CIP2A: variants seen among roughly 807,000 people sequenced by gnomAD.
CIP2A encodes the protein protein CIP2A.
In CIP2A, 103 loss-of-function variants were observed where a neutral mutation model predicts 110.9. The observed-to-expected ratio is 0.93, with a 90% CI of 0.79 to 1.09. The LOEUF is 1.09. Among genes scored for constraint, CIP2A ranks in the 50% least tolerant of loss-of-function variants. CIP2A has a pLI of 0.00. For synonymous variants in CIP2A, 381 were observed against 361.6 expected (o/e 1.05, Z -0.61); for missense variants, 1,088 against 1,038.4 (o/e 1.05, Z -0.66).
intron 18 of CIP2A, 91 bp from the exon 19 acceptor site, chr3:108,553,821 G>A: frequency 1.0e-6 from 1 of 956,008 alleles, no homozygotes; most frequent in Non-Finnish European, 1.5e-6. Flanking sequence ...GGGAGGCCAA[G>A]GCGGGCAGAT....
rs1254584341 is a variant in CIP2A at position 108,567,435 on chromosome 3, T to C, written c.1273+720A>G. On this transcript the variant is annotated intron_variant, in intron 10 of 20. Coordinates refer to ENST00000295746, the MANE Select transcript of CIP2A (RefSeq NM_020890.3). ...ATACAAGGAAACCTGACTAGATACA[T>C]TTAAGAGATCTGGTTGAGATACAGT... is the stretch of plus-strand genomic sequence containing the variant. Among the ~76,000 whole-genome samples, 4 of 151,930 alleles carry C rather than the reference T, an allele frequency of 2.6e-5. No homozygotes were observed. The East Asian group carries it at 7.7e-4, about 29-fold the overall frequency.
intron 5 of CIP2A, 90 bp from the exon 6 acceptor site, chr3:108,579,778 T>C (rs1455522895): frequency 4.9e-6 from 3 of 608,978 alleles, no homozygotes; most frequent in Non-Finnish European, 7.8e-6. Context: ...GGGCAAACTT[T>C]TATTAAACAT....
chr3:108,587,147 T>C (rs1166579479), intron 1 of CIP2A, among the ~76,000 whole-genome samples: 1 of 152,102 alleles, frequency 6.6e-6, no homozygotes, highest in Admixed American at 6.5e-5. Flanking sequence ...AAACGGAACA[T>C]ATAGGCATAT....
rs548851294 is a variant in CIP2A, at chr3:108,557,911, A to G, written c.2014-497T>C. The stretch of plus-strand genomic sequence containing the variant: ...TTTATTATGTGATATGAAACACTAA[A>G]AAAGCAGAAAAGTCGCTAGAATAAA... On this transcript the variant is annotated intron_variant, in intron 16 of 20. Transcript: ENST00000295746. Among the ~76,000 whole-genome samples, 7 of 152,252 alleles carry G rather than the reference A, an allele frequency of 4.6e-5. No individual in the cohort carries two copies. In the East Asian group the frequency reaches 1.4e-3, roughly 29 times the overall value.
chr3:108,572,431 C>A (rs73850557), intron 8 of CIP2A, among the ~76,000 whole-genome samples: 1 of 151,938 alleles, frequency 6.6e-6, no homozygotes, highest in Admixed American at 6.6e-5. Flanking sequence ...ATTGACCCAG[C>A]GTCATTTATT....
chr3:108,575,663 CGTGTAT>C (rs1576313219), intron 8 of CIP2A, among the ~76,000 whole-genome samples: 2 of 86,128 alleles, frequency 2.3e-5, no homozygotes, highest in East Asian at 7.4e-4. Context: ...TGTATATATA[CGTGTAT>C]ATATACTCAT....
At chr3:108,563,817 T>C (rs1461244646) in intron 12 of CIP2A, among the ~76,000 whole-genome samples, 1 of 152,036 alleles carries the variant, frequency 6.6e-6, no homozygotes, top group African/African-American at 2.4e-5. Flanking sequence ...GATTTTAGAA[T>C]ATTTACATGT....
chr3:108,561,937 C>T (rs1362139631), intron 13 of CIP2A, among the ~76,000 whole-genome samples: 2 of 152,044 alleles, frequency 1.3e-5, no homozygotes, highest in Non-Finnish European at 2.9e-5. Flanking sequence ...TGCAGATTCC[C>T]CTTTGAAGCT....
At position 108,579,653 on chromosome 3, in the gene CIP2A, G is replaced by A. The variant is rs2107362766; in HGVS notation, c.585C>T (p.Thr195=). Residue 195 remains threonine, a synonymous_variant, in exon 6 of 21, where the codon ACC becomes ACT. Coordinates refer to ENST00000295746, the MANE Select transcript of CIP2A (RefSeq NM_020890.3). The part of the protein sequence containing the change: ...NVKSFYRTLI[T]LLAHSSLTVV... ...CAGTTAAACTACTATGGGCCAACAAGGTGATAAGAGTTCGATAAAAAGATT... is the reference window on the plus strand; with the variant it reads ...CAGTTAAACTACTATGGGCCAACAAAGTGATAAGAGTTCGATAAAAAGATT... 2.5e-6 allele frequency: 4 copies of A among 1,589,330 alleles called. No individual in the cohort carries two copies. Among genetic ancestry groups the A allele is most frequent in the Non-Finnish European group, 3.4e-6 (4 of 1,170,010 alleles).
At chr3:108,586,952 G>T (rs935356281) in intron 1 of CIP2A, among the ~76,000 whole-genome samples, 6 of 152,078 alleles carry the variant, frequency 3.9e-5, no homozygotes, top group Non-Finnish European at 8.8e-5. Context: ...CTCAGATCTC[G>T]CTCTCATGAA....
chr3:108,551,091 C>CCCA lies in CIP2A; in HGVS notation c.*57_*58insTGG. On this transcript the variant is annotated 3_prime_UTR_variant, in exon 21 of 21. Coordinates refer to ENST00000295746, the MANE Select transcript of CIP2A (RefSeq NM_020890.3). ...TTAACTCCCCTACCCACCCCCCCTC[C>CCCA]AATAGATAAATACATCAAAAATATC... 1 of 746,194 alleles carries CCCA rather than the reference C, an allele frequency of 1.3e-6. No homozygotes were observed. Among genetic ancestry groups the CCCA allele is most frequent in the Non-Finnish European group, 2.0e-6 (1 of 493,454 alleles). 46.2% of individuals were successfully genotyped at this position (746,194 alleles called of 1,614,324 possible).
intron 8 of CIP2A, among the ~76,000 whole-genome samples, chr3:108,572,682 T>A (rs1463440801): frequency 6.6e-6 from 1 of 152,130 alleles, no homozygotes; most frequent in Non-Finnish European, 1.5e-5. Context: ...TGATCTTGTA[T>A]CCAGCCAACT....
In CIP2A at chr3:108,568,163, A is replaced by T; in HGVS notation, c.1265T>A (p.Val422Asp). The T allele has an allele frequency of 1.2e-6, 2 of 1,611,556 alleles. No individual in the cohort carries two copies. The highest frequency in any genetic ancestry group is 1.7e-6 in the Non-Finnish European group (2 of 1,178,338). Residue 422 changes from valine to aspartate, a missense_variant, in exon 10 of 21, where the codon GTT (valine) becomes GAT (aspartate). By Grantham distance (152) the Val-to-Asp change is radical. Coordinates refer to ENST00000295746, the MANE Select transcript of CIP2A (RefSeq NM_020890.3). ...ATGACAGTAAAGGATATTTAACAAA[A>T]CTTCAATGGCCTTGGCAATCCTTTC... ...KCERIAKAIE[V>D]LLTLCGDDTL... is the part of the protein sequence containing the mutation.
intron 3 of CIP2A, among the ~76,000 whole-genome samples, chr3:108,582,648 A>T (rs1212394074): frequency 6.6e-6 from 1 of 152,188 alleles, no homozygotes; most frequent in Non-Finnish European, 1.5e-5. Flanking sequence ...CGTTTCCTCC[A>T]CAGATTGAGA....
At chr3:108,588,244 C>G (rs1008264512) in intron 1 of CIP2A, among the ~76,000 whole-genome samples, 30 of 152,034 alleles carry the variant, frequency 2.0e-4, no homozygotes, top group African/African-American at 7.0e-4. Flanking sequence ...CATTTAACAG[C>G]TAACACCTTA....
rs774128185 is a variant in CIP2A, at chr3:108,569,425, A to C, written c.1077T>G (p.Ser359=). The change falls in exon 9 of 21, where the codon TCT becomes TCG. Residue 359 remains serine, a synonymous_variant. Transcript: ENST00000295746. ...CCTTGAACAACTCCAATGCTAAAACAGAACAGTTTTCTGATCCGTCCAAAG... is the reference window on the plus strand; with the variant it reads ...CCTTGAACAACTCCAATGCTAAAACCGAACAGTTTTCTGATCCGTCCAAAG... ...SQPLDGSENC[S]VLALELFKEI... is the part of the protein sequence containing the mutation. 6.2e-7 allele frequency: 1 copy of C among 1,612,470 alleles called. No homozygotes were observed. The highest frequency in any genetic ancestry group is 8.5e-7 in the Non-Finnish European group (1 of 1,179,124).
intron 17 of CIP2A, among the ~76,000 whole-genome samples, chr3:108,555,275 C>T (rs991657306): frequency 6.6e-6 from 1 of 152,122 alleles, no homozygotes; most frequent in Non-Finnish European, 1.5e-5. Context: ...AAGCAGGTAT[C>T]CCCTTTTTAG....
At chr3:108,582,244 C>T in intron 3 of CIP2A, 42 bp from the exon 4 acceptor site, 2 of 828,168 alleles carry the variant, frequency 2.4e-6, no homozygotes, top group Non-Finnish European at 3.8e-6. Context: ...GATATAAAAA[C>T]ATTGCCTGCT....
intron 4 of CIP2A, 30 bp downstream of exon 4, chr3:108,582,078 A>G: frequency 1.0e-6 from 1 of 981,038 alleles, no homozygotes; most frequent in South Asian, 1.6e-5. Flanking sequence ...CAAATAAACT[A>G]TTTGGTTTTA....
Sources: allele counts gnomAD v4.1 joint callset (sites outside exome capture counted in the v4.1 genomes callset), GRCh38; gene constraint gnomAD v4.1.1; transcripts MANE v1.5; gene names NCBI Gene and HGNC (gene_info 2026-07-23, HGNC 2026-07-21).